BPNT2: variants seen among roughly 807,000 people sequenced by gnomAD.
The protein encoded by BPNT2 is Golgi-resident adenosine 3',5'-bisphosphate 3'-phosphatase.
In BPNT2, 11 loss-of-function variants were observed where a neutral mutation model predicts 29.3. The ratio of observed to expected loss-of-function variants is 0.38; its 90% confidence interval spans 0.24 to 0.62. The LOEUF (loss-of-function observed/expected upper bound fraction) is 0.62. Among genes scored for constraint, BPNT2 ranks in the 20% least tolerant of loss-of-function variants. The pLI is 0.62. For synonymous variants in BPNT2, 195 were observed against 187.7 expected, an observed-to-expected ratio of 1.04 and a Z score of -0.32; for missense variants, 459 against 473.4, an observed-to-expected ratio of 0.97 and a Z score of 0.28.
intron 1 of BPNT2, among the ~76,000 whole-genome samples, chr8:56,981,120 G>T (rs1806234526): frequency 1.3e-5 from 2 of 152,046 alleles, no homozygotes; most frequent in African/African-American, 4.8e-5. Flanking sequence ...CGCACCAGAT[G>T]CCAGCAACAA....
At chr8:56,979,271 A>T (rs79474870) in intron 2 of BPNT2, among the ~76,000 whole-genome samples, 1 of 152,166 alleles carries the variant, frequency 6.6e-6, no homozygotes, top group Non-Finnish European at 1.5e-5. Context: ...AATAAAAAAA[A>T]TCAAATTAGA....
intron 1 of BPNT2, among the ~76,000 whole-genome samples, chr8:56,980,821 C>T (rs73683615): frequency 4.4e-4 from 13 of 29,434 alleles, no homozygotes; most frequent in East Asian, 1.1e-3. Flanking sequence ...CATACATATA[C>T]ACACACACAC....
intron 2 of BPNT2, 24 bp downstream of exon 2, chr8:56,980,011 T>C (rs764923558): frequency 1.2e-6 from 2 of 1,610,896 alleles, no homozygotes; most frequent in South Asian, 2.2e-5. Flanking sequence ...CAATCAAATG[T>C]TTTGAGTTCA....
rs983773195 is a variant in BPNT2, at chr8:56,958,200, A to G, written c.*5593T>C. On this transcript the variant is annotated 3_prime_UTR_variant, in exon 5 of 5. Transcript: ENST00000262644. ...AATATGCTAATGCTAATAATCCTTT[A>G]TTCAATTTAGCTCAACACACATTAA... 3 of 152,218 alleles carry G rather than the reference A, an allele frequency of 2.0e-5. No homozygotes were observed. Among genetic ancestry groups the G allele is most frequent in the Admixed American group, 6.5e-5 (1 of 15,276 alleles). 9.4% of individuals were successfully genotyped at this position (152,218 alleles called of 1,614,324 possible). A position where few individuals can be genotyped will look rare whatever the true frequency, so the allele number is the denominator to read the frequency against.
rs1336831759 is a variant in BPNT2 at position 56,989,654 on chromosome 8, T to A, written c.387+3545A>T. On this transcript the variant is annotated intron_variant, in intron 1 of 4. Transcript: ENST00000262644. ...GTTTTAACAGTCTCTAACTAGTTCC[T>A]ATCTACCTCCAAATGCCCAAAGCCC... Among the ~76,000 whole-genome samples, 4 of 152,174 alleles carry A rather than the reference T, an allele frequency of 2.6e-5. No homozygotes were observed. In the East Asian group the frequency reaches 7.7e-4, roughly 29 times the overall value.
chr8:56,968,681 T>TA (rs1206890936), intron 3 of BPNT2, among the ~76,000 whole-genome samples: 1 of 151,916 alleles, frequency 6.6e-6, no homozygotes, highest in African/African-American at 2.4e-5. Flanking sequence ...TCTAACAAAA[T>TA]AAAAAAATTA....
chr8:56,980,002 A>C, intron 2 of BPNT2, 33 bp downstream of exon 2: 2 of 1,608,248 alleles, frequency 1.2e-6, no homozygotes, highest in East Asian at 2.2e-5. Flanking sequence ...ACTAAACGTC[A>C]ATCAAATGTT....
At chr8:56,965,265 G>A (rs1353476651) in intron 4 of BPNT2, among the ~76,000 whole-genome samples, 1 of 152,160 alleles carries the variant, frequency 6.6e-6, no homozygotes, top group Non-Finnish European at 1.5e-5. Flanking sequence ...GTTGCGATGA[G>A]CCTAGATCAC....
rs1229061529 is a variant in BPNT2, at chr8:56,961,884, C to T, written c.*1909G>A. 1 of 152,000 alleles carries T rather than the reference C, an allele frequency of 6.6e-6. No homozygotes were observed. The highest frequency in any genetic ancestry group is 1.5e-5 in the Non-Finnish European group (1 of 67,976). 9.4% of individuals were successfully genotyped at this position (152,000 alleles called of 1,614,324 possible). A position where few individuals can be genotyped will look rare whatever the true frequency, so the allele number is the denominator to read the frequency against. On this transcript the variant is annotated 3_prime_UTR_variant, in exon 5 of 5. Coordinates refer to ENST00000262644, the MANE Select transcript of BPNT2 (RefSeq NM_017813.5). ...CTGCTAATATGAACTAGTTTGCTTCCCATTAAATCAGAGTTCCCATAAAAC... is the reference window on the plus strand; with the variant it reads ...CTGCTAATATGAACTAGTTTGCTTCTCATTAAATCAGAGTTCCCATAAAAC...
Position 56,963,870 on chromosome 8 carries a change from G to C in BPNT2, c.1003C>G (p.Leu335Val). 1 of 1,614,072 alleles carries C rather than the reference G, an allele frequency of 6.2e-7. No individual in the cohort carries two copies. The highest frequency in any genetic ancestry group is 8.5e-7 in the Non-Finnish European group (1 of 1,179,960). The change falls in exon 5 of 5, where the codon CTC becomes GTC. Residue 335 changes from leucine to valine, a missense_variant. Leu to Val is a conservative substitution (Grantham distance 32). Transcript: ENST00000262644. Reference protein sequence around the residue: ...YTGSDGIEGGLLASIRMNHQA... With the variant: ...YTGSDGIEGGVLASIRMNHQA... ...TGGTTCATTCTGATGCTAGCAAGGA[G>C]TCCCCCTTCAATGCCGTCTGAACCA...
intron 1 of BPNT2, among the ~76,000 whole-genome samples, chr8:56,985,493 AAAG>A (rs1806313592): frequency 6.6e-6 from 1 of 152,086 alleles, no homozygotes; most frequent in Admixed American, 6.6e-5. Flanking sequence ...AATCACTCCC[AAAG>A]AAGCCCATTA....
chr8:56,966,278 C>A lies in BPNT2; in HGVS notation c.721G>T (p.Val241Leu), dbSNP rs1752797676. ...ACCATCCCTGAATGGGAACGAGACA[C>A]AACGATCCTTGGGGTCTTCTCATTG... ...SYNEKTPRIV[V>L]SRSHSGMVKQ... The change falls in exon 4 of 5, where the codon GTG becomes TTG. Residue 241 changes from valine (V) to leucine (L), a missense_variant. Coordinates refer to ENST00000262644, the MANE Select transcript of BPNT2 (RefSeq NM_017813.5). The A allele has an allele frequency of 1.2e-6, 2 of 1,613,984 alleles. No homozygotes were observed. The highest frequency in any genetic ancestry group is 4.5e-5 in the East Asian group (2 of 44,854).
chr8:56,978,665 A>T (rs1311098539), intron 2 of BPNT2, among the ~76,000 whole-genome samples: 6 of 109,724 alleles, frequency 5.5e-5, no homozygotes, highest in Admixed American at 9.5e-5. Context: ...TAGACCAGGT[A>T]AAAAAAAAAA....
rs1349058794 is a variant in BPNT2 at position 56,959,808 on chromosome 8, A to G, written c.*3985T>C. On this transcript the variant is annotated 3_prime_UTR_variant, in exon 5 of 5. Transcript: ENST00000262644. Reference sequence around the variant, plus strand: ...GAATCTCCCCCAACTATAATATTAAAAACATCAAAAGAACTTAAGTTTTAA... The same window carrying G: ...GAATCTCCCCCAACTATAATATTAAGAACATCAAAAGAACTTAAGTTTTAA... 2 of 152,218 alleles carry G rather than the reference A, an allele frequency of 1.3e-5. No individual in the cohort carries two copies. The highest frequency in any genetic ancestry group is 2.9e-5 in the Non-Finnish European group (2 of 68,034). The allele number at this position is 152,218 out of a possible 1,614,324, so 9.4% of individuals were successfully genotyped here. A position where few individuals can be genotyped will look rare whatever the true frequency, so the allele number is the denominator to read the frequency against.
intron 1 of BPNT2, among the ~76,000 whole-genome samples, chr8:56,990,239 A>C (rs766579793): frequency 5.3e-5 from 8 of 152,224 alleles, no homozygotes; most frequent in Non-Finnish European, 1.0e-4. Context: ...TGAACAAATC[A>C]AGTTGAGGAC....
In BPNT2 at chr8:56,961,018, G is replaced by C. The variant is rs142089059; in HGVS notation, c.*2775C>G. 6.6e-6 allele frequency: 1 copy of C among 152,176 alleles called. No individual in the cohort carries two copies. The highest frequency in any genetic ancestry group is 2.4e-5 in the African/African-American group (1 of 41,436). 9.4% of individuals were successfully genotyped at this position (152,176 alleles called of 1,614,324 possible). ...CTAAGAAAGAAAAGCAGAGATAAAG[G>C]AGAACATGAACCGGTAAGGGAAATG... On this transcript the variant is annotated 3_prime_UTR_variant, in exon 5 of 5. Coordinates refer to ENST00000262644, the MANE Select transcript of BPNT2 (RefSeq NM_017813.5).
chr8:56,992,870 T>C (rs900641005), intron 1 of BPNT2, among the ~76,000 whole-genome samples: 4 of 152,134 alleles, frequency 2.6e-5, no homozygotes, highest in Non-Finnish European at 5.9e-5. Context: ...TGGTGGATTT[T>C]AGCCAACCCC....
intron 3 of BPNT2, among the ~76,000 whole-genome samples, chr8:56,967,666 C>T (rs556737279): frequency 2.0e-4 from 31 of 152,092 alleles, no homozygotes; most frequent in African/African-American, 7.5e-4. Context: ...GATACGGGAC[C>T]AGAATTGTAG....
chr8:56,981,932 A>G (rs1481261579), intron 1 of BPNT2, among the ~76,000 whole-genome samples: 3 of 152,134 alleles, frequency 2.0e-5, no homozygotes, highest in Non-Finnish European at 4.4e-5. Context: ...CAGCACTGAC[A>G]ATACATGAGT....
Sources: allele counts gnomAD v4.1 joint callset (sites outside exome capture counted in the v4.1 genomes callset), GRCh38; gene constraint gnomAD v4.1.1; transcripts MANE v1.5; gene names NCBI Gene and HGNC (gene_info 2026-07-23, HGNC 2026-07-21).